Variants in SYT1 observed in about 807,000 individuals in gnomAD.
SYT1 encodes the protein synaptotagmin 1.
SYT1 carries 8 observed loss-of-function variants against 44.8 expected under a neutral mutation model. That is an observed-to-expected ratio of 0.18 (90% CI 0.10 to 0.32). SYT1 has a LOEUF of 0.32. Among genes scored for constraint, SYT1 ranks in the 10% least tolerant of loss-of-function variants. The pLI is 1.00. For synonymous variants in SYT1, 154 were observed against 188.8 expected (o/e 0.82, Z 1.51); for missense variants, 286 against 509.3 (o/e 0.56, Z 4.22).
At chr12:79,010,278 G>A (rs900960164) in intron 2 of SYT1, among the ~76,000 whole-genome samples, 1 of 152,066 alleles carries the variant, frequency 6.6e-6, no homozygotes, top group African/African-American at 2.4e-5. Context: ...GAGTAAAGAG[G>A]TGTCTCCAGC....
intron 1 of SYT1, among the ~76,000 whole-genome samples, chr12:78,895,317 A>T (rs1016809826): frequency 6.6e-6 from 1 of 151,768 alleles, no homozygotes; most frequent in Admixed American, 6.6e-5. Flanking sequence ...ATTAAATAAA[A>T]CAACCAAAAA....
At chr12:79,134,986 CA>C (rs1205266628) in intron 3 of SYT1, among the ~76,000 whole-genome samples, 7 of 107,680 alleles carry the variant, frequency 6.5e-5, no homozygotes, top group East Asian at 7.4e-4. Context: ...ATGTTCTCAC[CA>C]CACACACACA....
chr12:79,280,987 A>C (rs114940060), intron 4 of SYT1, among the ~76,000 whole-genome samples: 34,360 of 147,816 alleles, frequency 0.23, 4,576 homozygotes, highest in East Asian at 0.42. Flanking sequence ...ATAAAAAGTA[A>C]AAAAAAAAAA....
chr12:79,450,602 T>TAGACCCGTAGTTTCCTC lies in SYT1; in HGVS notation c.*1481_*1497dup, dbSNP rs1871002219. On this transcript the variant is annotated 3_prime_UTR_variant, in exon 11 of 11. Transcript: ENST00000261205. Reference sequence around the variant, plus strand: ...TAACACTGTGACTGCCGTGTGTGCTTAGACCCGTAGTTTCCTCAGTGGATA... The same window carrying TAGACCCGTAGTTTCCTC: ...TAACACTGTGACTGCCGTGTGTGCTTAGACCCGTAGTTTCCTCAGACCCGTAGTTTCCTCAGTGGATA... 6.6e-6 allele frequency: 1 copy of TAGACCCGTAGTTTCCTC among 152,664 alleles called. No individual in the cohort carries two copies. The highest frequency in any genetic ancestry group is 2.1e-4 in the South Asian group (1 of 4,826). 9.5% of individuals were successfully genotyped at this position (152,664 alleles called of 1,614,324 possible).
rs1871047579 is a variant in SYT1, at chr12:79,451,313, A to G, written c.*2189A>G. The G allele has an allele frequency of 6.6e-6, 1 of 152,258 alleles. No homozygotes were observed. The highest frequency in any genetic ancestry group is 1.5e-5 in the Non-Finnish European group (1 of 68,032). The allele number at this position is 152,258 out of a possible 1,614,324, so 9.4% of individuals were successfully genotyped here. ...AAAATATACACAAGTCAGAATGTGA[A>G]ATTAAATAATGGTTTGAACAGAAAA... On this transcript the variant is annotated 3_prime_UTR_variant, in exon 11 of 11. Transcript: ENST00000261205.
At position 79,035,436 on chromosome 12, in the gene SYT1, T is replaced by C. The variant is rs142936616; in HGVS notation, c.-83-11861T>C. On this transcript the variant is annotated intron_variant, in intron 2 of 10. Transcript: ENST00000261205. ...TTTGTAAAGATTTTTGGTTGGCTTC[T>C]CCTTTTTATGAAGCCAACAATTATG... Among the ~76,000 whole-genome samples, 61 of 151,894 alleles carry C rather than the reference T, an allele frequency of 4.0e-4. No homozygotes were observed. The East Asian group carries it at 0.011, about 27-fold the overall frequency.
intron 9 of SYT1, among the ~76,000 whole-genome samples, chr12:79,390,180 G>T (rs547281942): frequency 1.6e-4 from 25 of 152,066 alleles, no homozygotes; most frequent in Middle Eastern, 3.4e-3. Context: ...TGATCCGCCC[G>T]CCCCAGCCTC....
At chr12:79,074,158 A>G (rs1411817785) in intron 3 of SYT1, among the ~76,000 whole-genome samples, 1 of 152,184 alleles carries the variant, frequency 6.6e-6, no homozygotes, top group Non-Finnish European at 1.5e-5. Flanking sequence ...CTAGTAATTA[A>G]TCTTTAAAAT....
At chr12:79,032,823 G>A (rs190842492) in intron 2 of SYT1, among the ~76,000 whole-genome samples, 1 of 151,166 alleles carries the variant, frequency 6.6e-6, no homozygotes, top group Non-Finnish European at 1.5e-5. Flanking sequence ...TAACAAGAGA[G>A]AAAATCACAA....
At chr12:79,007,287 C>T (rs1592655347) in intron 2 of SYT1, among the ~76,000 whole-genome samples, 2 of 152,140 alleles carry the variant, frequency 1.3e-5, no homozygotes, top group Admixed American at 1.3e-4. Context: ...TACTCCAAGC[C>T]ATGTTGACCA....
At chr12:79,116,371 A>T (rs1300749198) in intron 3 of SYT1, among the ~76,000 whole-genome samples, 1 of 152,180 alleles carries the variant, frequency 6.6e-6, no homozygotes, top group African/African-American at 2.4e-5. Context: ...ACTGGCAGGG[A>T]TGTACACAAT....
chr12:79,202,280 C>A (rs910485130), intron 3 of SYT1, among the ~76,000 whole-genome samples: 5 of 152,116 alleles, frequency 3.3e-5, no homozygotes, highest in Non-Finnish European at 5.9e-5. Flanking sequence ...GAGATAATGA[C>A]CTTTTATTAC....
rs1480475416 is a variant in SYT1 at position 79,123,308 on chromosome 12, AATGT to A, written c.-18+75947_-18+75950del. Reference sequence around the variant, plus strand: ...CTGTTACATGTATCTCTAAAAATGCAATGTGTGTGTGTGTGTGTGTGTGTGTGTG... The same window carrying A: ...CTGTTACATGTATCTCTAAAAATGCAGTGTGTGTGTGTGTGTGTGTGTGTG... On this transcript the variant is annotated intron_variant, in intron 3 of 10. Transcript: ENST00000261205. Among the ~76,000 whole-genome samples, 7 of 96,484 alleles carry A rather than the reference AATGT, an allele frequency of 7.3e-5. No homozygotes were observed. The South Asian group carries it at 1.2e-3, about 16-fold the overall frequency. The allele number at this position is 96,484 out of a possible 152,430, so 63.3% of individuals were successfully genotyped here. A position where few individuals can be genotyped will look rare whatever the true frequency, so the allele number is the denominator to read the frequency against.
At chr12:78,952,136 C>T (rs1179669455) in intron 1 of SYT1, among the ~76,000 whole-genome samples, 3 of 152,170 alleles carry the variant, frequency 2.0e-5, no homozygotes, top group African/African-American at 4.8e-5. Context: ...TTGCCTGGCA[C>T]GAAATCCTGG....
chr12:78,950,165 A>G (rs183589447), intron 1 of SYT1, among the ~76,000 whole-genome samples: 3 of 152,136 alleles, frequency 2.0e-5, no homozygotes, highest in Admixed American at 2.0e-4. Flanking sequence ...TTTTGCATTA[A>G]TGACATTTTC....
chr12:78,979,647 T>C (rs1869101973), intron 2 of SYT1, among the ~76,000 whole-genome samples: 2 of 152,116 alleles, frequency 1.3e-5, no homozygotes, highest in Admixed American at 1.3e-4. Flanking sequence ...ATTACTTGGC[T>C]GCAAAAAGCA....
At chr12:79,106,279 C>T (rs1378812776) in intron 3 of SYT1, among the ~76,000 whole-genome samples, 2 of 152,032 alleles carry the variant, frequency 1.3e-5, no homozygotes, top group Non-Finnish European at 2.9e-5. Flanking sequence ...AGGATATAAC[C>T]CTAAGGTCCA....
intron 9 of SYT1, among the ~76,000 whole-genome samples, chr12:79,423,956 A>T (rs1161818199): frequency 1.3e-5 from 2 of 150,238 alleles, no homozygotes; most frequent in African/African-American, 5.0e-5. Flanking sequence ...TACTTGTTGA[A>T]ATAACCAACA....
intron 4 of SYT1, among the ~76,000 whole-genome samples, chr12:79,268,726 A>G (rs1322707724): frequency 6.6e-6 from 1 of 152,228 alleles, no homozygotes; most frequent in Non-Finnish European, 1.5e-5. Context: ...TGTGACATGT[A>G]TTCTTAAGGA....
Sources: allele counts gnomAD v4.1 joint callset (sites outside exome capture counted in the v4.1 genomes callset), GRCh38; gene constraint gnomAD v4.1.1; transcripts MANE v1.5; gene names NCBI Gene and HGNC (gene_info 2026-07-23, HGNC 2026-07-21).